ZEB1: variants seen among roughly 807,000 people sequenced by gnomAD.
ZEB1 encodes zinc finger E-box binding homeobox 1.
Under a neutral mutation model 84.9 loss-of-function variants are expected in ZEB1, and 21 were observed. That is an observed-to-expected ratio of 0.25 (90% CI 0.18 to 0.36). ZEB1 has a LOEUF of 0.36. Ranked by LOEUF, ZEB1 falls within the 10% of genes least tolerant of loss-of-function variation. The pLI is 1.00. For missense variants in ZEB1, 1,104 were observed against 1,330.2 expected, an observed-to-expected ratio of 0.83 and a Z score of 2.65; for synonymous variants, 420 against 471.1, an observed-to-expected ratio of 0.89 and a Z score of 1.41.
At chr10:31,409,329 T>A (rs1590955034) in intron 1 of ZEB1, among the ~76,000 whole-genome samples, 2 of 152,064 alleles carry the variant, frequency 1.3e-5, no homozygotes, top group South Asian at 2.1e-4. Flanking sequence ...ATTGTGGAAG[T>A]CAGTGTGGCG....
At position 31,487,620 on chromosome 10, in the gene ZEB1, T is replaced by C. The variant is rs1046148823; in HGVS notation, c.260-8156T>C. Among the ~76,000 whole-genome samples the C allele has an allele frequency of 2.0e-5, 3 of 151,400 alleles. No homozygotes were observed. The East Asian group carries it at 5.8e-4, about 29-fold the overall frequency. ...AGGGACATTTTTATTTCTTCCTTTC[T>C]AATGTGTATGCCTGTAATTCTTTTA... is the stretch of plus-strand genomic sequence containing the variant. On this transcript the variant is annotated intron_variant, in intron 2 of 8. Transcript: ENST00000424869.
chr10:31,475,539 C>T (rs1273865250), intron 2 of ZEB1, among the ~76,000 whole-genome samples: 2 of 152,052 alleles, frequency 1.3e-5, no homozygotes, highest in Non-Finnish European at 2.9e-5. Flanking sequence ...TTAAAGGCAG[C>T]TAGAGACAAG....
At chr10:31,456,380 C>T (rs535697155) in intron 1 of ZEB1, among the ~76,000 whole-genome samples, 1 of 152,078 alleles carries the variant, frequency 6.6e-6, no homozygotes, top group South Asian at 2.1e-4. Flanking sequence ...CTGCGATGTA[C>T]CCCAGAACTT....
In ZEB1 at chr10:31,433,108, A is replaced by G. The variant is rs2057916156; in HGVS notation, c.59-27929A>G. On this transcript the variant is annotated intron_variant, in intron 1 of 8. Coordinates refer to ENST00000424869, the MANE Select transcript of ZEB1 (RefSeq NM_001174096.2). ...ATATAAAACCATATCAATGAATTTT[A>G]TAGTTACATTAAAAAATCACTGCTC... is the stretch of plus-strand genomic sequence containing the variant. Among the ~76,000 whole-genome samples, 3 of 152,226 alleles carry G rather than the reference A, an allele frequency of 2.0e-5. No homozygotes were observed. The South Asian group carries it at 6.2e-4, about 32-fold the overall frequency.
At chr10:31,350,838 T>G (rs2041203071) in intron 1 of ZEB1, among the ~76,000 whole-genome samples, 1 of 152,166 alleles carries the variant, frequency 6.6e-6, no homozygotes, top group Admixed American at 6.5e-5. Flanking sequence ...AAAAACATTT[T>G]CAAGTGGAAA....
chr10:31,478,673 A>C (rs372778073), intron 2 of ZEB1, among the ~76,000 whole-genome samples: 1 of 151,970 alleles, frequency 6.6e-6, no homozygotes, highest in African/African-American at 2.4e-5. Context: ...TGCAGTCATA[A>C]AAACAAATGA....
At chr10:31,335,246 A>G (rs2037758151) in intron 1 of ZEB1, among the ~76,000 whole-genome samples, 2 of 152,136 alleles carry the variant, frequency 1.3e-5, no homozygotes, top group Admixed American at 6.5e-5. Context: ...CAGCATATCC[A>G]CACTGTATAT....
At chr10:31,461,324 A>G (rs2061789808) in intron 2 of ZEB1, 87 bp downstream of exon 2, 3 of 1,395,186 alleles carry the variant, frequency 2.2e-6, no homozygotes, top group Non-Finnish European at 3.0e-6. Flanking sequence ...TTGGATGAAA[A>G]GTTTGAAATC....
chr10:31,512,468 C>T (rs187575873), intron 5 of ZEB1, among the ~76,000 whole-genome samples: 12 of 152,058 alleles, frequency 7.9e-5, no homozygotes, highest in Admixed American at 7.2e-4. Context: ...GGAAATATAA[C>T]TGGGAGGTCT....
intron 2 of ZEB1, among the ~76,000 whole-genome samples, chr10:31,463,456 A>C (rs2062033712): frequency 6.6e-6 from 1 of 152,206 alleles, no homozygotes; most frequent in South Asian, 2.1e-4. Flanking sequence ...TTTGGTCCTG[A>C]ATACATTTGC....
chr10:31,482,821 T>TATA (rs923724593), intron 2 of ZEB1, among the ~76,000 whole-genome samples: 2 of 152,008 alleles, frequency 1.3e-5, no homozygotes, highest in Admixed American at 6.6e-5. Context: ...AATATTGGAA[T>TATA]ATAATAATAA....
At chr10:31,496,742 T>C (rs1453668912) in intron 3 of ZEB1, among the ~76,000 whole-genome samples, 4 of 152,126 alleles carry the variant, frequency 2.6e-5, no homozygotes, top group African/African-American at 7.2e-5. Flanking sequence ...TTATCATTTA[T>C]AGATTTGTTT....
intron 2 of ZEB1, among the ~76,000 whole-genome samples, chr10:31,488,520 T>G (rs1003426172): frequency 1.2e-4 from 14 of 112,342 alleles, no homozygotes; most frequent in Non-Finnish European, 2.2e-4. Context: ...TGTCTCACTG[T>G]TTTTTTTTTT....
intron 2 of ZEB1, among the ~76,000 whole-genome samples, chr10:31,476,165 A>T (rs1383365292): frequency 6.6e-6 from 1 of 152,082 alleles, no homozygotes; most frequent in African/African-American, 2.4e-5. Context: ...GATCAACATA[A>T]TGAAGAGTTT....
At chr10:31,336,286 GC>G (rs2038034260) in intron 1 of ZEB1, among the ~76,000 whole-genome samples, 1 of 152,142 alleles carries the variant, frequency 6.6e-6, no homozygotes, top group South Asian at 2.1e-4. Flanking sequence ...CACTGGGATT[GC>G]CAATGAGTGA....
intron 1 of ZEB1, among the ~76,000 whole-genome samples, chr10:31,329,881 T>C (rs2036396603): frequency 6.6e-6 from 1 of 152,192 alleles, no homozygotes; most frequent in Admixed American, 6.5e-5. Context: ...ATTTGTCCAT[T>C]TTTAATTGGA....
chr10:31,424,999 T>A (rs72807303), intron 1 of ZEB1, among the ~76,000 whole-genome samples: 3,642 of 151,984 alleles, frequency 0.024, 52 homozygotes, highest in Non-Finnish European at 0.039. Context: ...ACAATCAAAT[T>A]TTTTTTAAAT....
intron 1 of ZEB1, chr10:31,362,677 A>C (rs1161820111): frequency 2.1e-5 from 9 of 425,278 alleles, no homozygotes; most frequent in Non-Finnish European, 3.9e-5. Flanking sequence ...CTCACTTCCC[A>C]GATGGTGGAG....
chr10:31,417,667 TTTTG>T (rs947596231), intron 1 of ZEB1, among the ~76,000 whole-genome samples: 9 of 152,144 alleles, frequency 5.9e-5, no homozygotes, highest in African/African-American at 2.2e-4. Context: ...TTTCCTGATG[TTTTG>T]TTTATTTTAA....
Sources: allele counts gnomAD v4.1 joint callset (sites outside exome capture counted in the v4.1 genomes callset), GRCh38; gene constraint gnomAD v4.1.1; transcripts MANE v1.5; gene names NCBI Gene and HGNC (gene_info 2026-07-23, HGNC 2026-07-21).